Variants in NAALADL2 observed in about 807,000 individuals in gnomAD.
NAALADL2 encodes the protein N-acetylated alpha-linked acidic dipeptidase like 2, also known as inactive N-acetylated-alpha-linked acidic dipeptidase-like protein 2.
NAALADL2 carries 76 observed loss-of-function variants against 87.2 expected under a neutral mutation model. The observed-to-expected ratio is 0.87, with a 90% confidence interval of 0.72 to 1.05. The LOEUF (loss-of-function observed/expected upper bound fraction) is 1.05, where lower values mean the gene tolerates loss of function less well. Ranked by LOEUF, NAALADL2 falls within the 50% of genes least tolerant of loss-of-function variation. The pLI is 0.00. For synonymous variants in NAALADL2, 354 were observed against 331.0 expected (o/e 1.07, Z -0.75); for missense variants, 1,089 against 945.8 (o/e 1.15, Z -1.99).
chr3:175,226,844 A>G (rs1379991422), intron 2 of NAALADL2, among the ~76,000 whole-genome samples: 1 of 152,014 alleles, frequency 6.6e-6, no homozygotes, highest in African/African-American at 2.4e-5. Context: ...ACAGTTTATC[A>G]TGTGTTTTAA....
chr3:174,988,349 T>C (rs940348629), intron 1 of NAALADL2, among the ~76,000 whole-genome samples: 18 of 152,224 alleles, frequency 1.2e-4, no homozygotes, highest in African/African-American at 4.3e-4. Context: ...AAATAACTTA[T>C]AGTCAGGACT....
intron 3 of NAALADL2, among the ~76,000 whole-genome samples, chr3:174,799,797 T>C (rs1718594674): frequency 6.6e-6 from 1 of 152,188 alleles, no homozygotes; most frequent in African/African-American, 2.4e-5. Flanking sequence ...CCTAGAGACT[T>C]GCTTAATGGC....
intron 1 of NAALADL2, among the ~76,000 whole-genome samples, chr3:175,038,734 G>A (rs950178734): frequency 6.6e-6 from 1 of 151,904 alleles, no homozygotes; most frequent in South Asian, 2.1e-4. Context: ...GAATATCTGG[G>A]TTTAGCACGT....
intron 10 of NAALADL2, among the ~76,000 whole-genome samples, chr3:175,580,853 T>C (rs1719661473): frequency 6.6e-6 from 1 of 152,084 alleles, no homozygotes; most frequent in Non-Finnish European, 1.5e-5. Flanking sequence ...CATATTTTGG[T>C]CTAAAAATCC....
intron 9 of NAALADL2, among the ~76,000 whole-genome samples, chr3:175,562,036 G>A (rs1280810161): frequency 6.6e-6 from 1 of 152,188 alleles, no homozygotes; most frequent in African/African-American, 2.4e-5. Context: ...TCAACACAAA[G>A]TCTCAGATCA....
intron 2 of NAALADL2, among the ~76,000 whole-genome samples, chr3:175,109,897 T>G (rs909347859): frequency 9.9e-5 from 15 of 151,970 alleles, no homozygotes; most frequent in African/African-American, 2.7e-4. Context: ...TGGTGCTACG[T>G]TCTCCCCTGT....
At chr3:175,648,892 A>G (rs1428112254) in intron 11 of NAALADL2, among the ~76,000 whole-genome samples, 5 of 152,202 alleles carry the variant, frequency 3.3e-5, no homozygotes, top group East Asian at 1.9e-4. Flanking sequence ...CTCTCTTCAT[A>G]CCTTCAGTTG....
intron 3 of NAALADL2, among the ~76,000 whole-genome samples, chr3:174,819,349 G>A (rs1721174349): frequency 6.6e-6 from 1 of 151,412 alleles, no homozygotes; most frequent in African/African-American, 2.4e-5. Flanking sequence ...ACAAGCATGA[G>A]CCATTGTGCG....
At chr3:175,033,878 A>C (rs1195211808) in intron 1 of NAALADL2, among the ~76,000 whole-genome samples, 7 of 152,146 alleles carry the variant, frequency 4.6e-5, no homozygotes, top group Non-Finnish European at 1.5e-5. Context: ...GCTGAACTTG[A>C]GACTCATATA....
chr3:175,234,306 T>G lies in NAALADL2; in HGVS notation c.819+102T>G, dbSNP rs535403792. On this transcript the variant is annotated intron_variant, in intron 3 of 13. Transcript: ENST00000454872. The stretch of plus-strand genomic sequence containing the variant: ...ACTGTCAAGATGCAACATACAAAAG[T>G]AACCATTAAATCTTTTCAGTGTGGA... 1.9e-4 allele frequency: 242 copies of G among 1,256,266 alleles called. No homozygotes were observed. In the African/African-American group the frequency reaches 3.3e-3, roughly 17 times the overall value. 77.8% of individuals were successfully genotyped at this position (1,256,266 alleles called of 1,614,324 possible).
chr3:174,441,074 G>A (rs1714562775), intron 1 of NAALADL2: 1 of 152,186 alleles, frequency 6.6e-6, no homozygotes, highest in Non-Finnish European at 1.5e-5. Flanking sequence ...GCCAAAACAA[G>A]CTCCGCGCTC....
chr3:174,581,849 T>C (rs1453613203), intron 2 of NAALADL2, among the ~76,000 whole-genome samples: 1 of 152,198 alleles, frequency 6.6e-6, no homozygotes, highest in African/African-American at 2.4e-5. Flanking sequence ...GGCACAGTGA[T>C]AGGCAAAAGT....
intron 11 of NAALADL2, among the ~76,000 whole-genome samples, chr3:175,631,450 C>CTTT (rs34282283): frequency 7.2e-6 from 1 of 139,042 alleles, no homozygotes; most frequent in South Asian, 2.3e-4. Context: ...CCCTGTAGTT[C>CTTT]TTTTTTTTTT....
In NAALADL2 at chr3:175,040,018, C is replaced by T. The variant is rs555351748; in HGVS notation, c.44-56772C>T. 1.1e-4 allele frequency among the ~76,000 whole-genome samples: 17 copies of T among 152,212 alleles called. No individual in the cohort carries two copies. In the East Asian group the frequency reaches 2.7e-3, roughly 24 times the overall value. ...CACTTACAAAAAAGATATACACATG[C>T]GCACAGGCATATGTGCACACACACG... On this transcript the variant is annotated intron_variant, in intron 1 of 13. Coordinates refer to ENST00000454872, the MANE Select transcript of NAALADL2 (RefSeq NM_207015.3).
At chr3:174,766,236 G>C (rs1713786668) in intron 3 of NAALADL2, among the ~76,000 whole-genome samples, 1 of 152,122 alleles carries the variant, frequency 6.6e-6, no homozygotes. Context: ...TTGTCTTCCA[G>C]AAATCAGTCA....
chr3:175,255,726 T>C (rs1208918093), intron 3 of NAALADL2, among the ~76,000 whole-genome samples: 6 of 152,172 alleles, frequency 3.9e-5, no homozygotes, highest in African/African-American at 1.4e-4. Context: ...TTTTTTCTTT[T>C]TTGCATTAAC....
intron 3 of NAALADL2, among the ~76,000 whole-genome samples, chr3:175,249,342 C>T (rs1748584533): frequency 6.6e-6 from 1 of 151,748 alleles, no homozygotes; most frequent in African/African-American, 2.4e-5. Flanking sequence ...GAGGATTATC[C>T]ATATTAGAGA....
intron 11 of NAALADL2, among the ~76,000 whole-genome samples, chr3:175,669,113 A>G (rs1323798471): frequency 1.3e-5 from 2 of 152,098 alleles, no homozygotes; most frequent in African/African-American, 2.4e-5. Flanking sequence ...CTATTGTCAT[A>G]TATTCCCATA....
rs1316728679 is a variant in NAALADL2 at position 175,004,831 on chromosome 3, C to T, written c.44-91959C>T. Among the ~76,000 whole-genome samples the T allele has an allele frequency of 2.0e-5, 3 of 151,388 alleles. No homozygotes were observed. The East Asian group carries it at 5.8e-4, about 29-fold the overall frequency. ...TGCAGTTCTTGTTTAGACTTGGATC[C>T]CATCTATCTCTATTGTGTATATGCA... On this transcript the variant is annotated intron_variant, in intron 1 of 13. Transcript: ENST00000454872.
Sources: gnomAD v4.1 joint callset for allele counts (sites outside exome capture counted in the v4.1 genomes callset) on GRCh38, gnomAD v4.1.1 for gene constraint, MANE v1.5 for transcripts, NCBI Gene and HGNC (gene_info 2026-07-23, HGNC 2026-07-21) for gene names.